The following NUP98 variants were observed in gnomAD, a reference collection of about 807,000 sequenced individuals.
NUP98 encodes nuclear pore complex protein Nup98-Nup96.
In NUP98, 26 loss-of-function variants were observed where a neutral mutation model predicts 191.9. The ratio of observed to expected loss-of-function variants is 0.14; its 90% CI spans 0.10 to 0.19. The LOEUF is 0.19. Ranked by LOEUF, NUP98 falls within the 10% of genes least tolerant of loss-of-function variation. The pLI, the probability that NUP98 is intolerant of heterozygous loss-of-function variation, is 1.00. For synonymous variants in NUP98, 808 were observed against 778.4 expected (o/e 1.04, Z -0.63); for missense variants, 1,941 against 2,178.8 (o/e 0.89, Z 2.17).
intron 20 of NUP98, 120 bp downstream of exon 20, chr11:3,712,444 C>A: frequency 6.7e-7 from 1 of 1,495,136 alleles, no homozygotes; most frequent in Non-Finnish European, 8.9e-7. Flanking sequence ...AACGTGATTG[C>A]CAATGTTTGT....
Position 3,694,056 on chromosome 11 carries a change from C to A in NUP98, c.4168-681G>T, listed in dbSNP as rs575607864. Among the ~76,000 whole-genome samples, 32 of 148,348 alleles carry A rather than the reference C, an allele frequency of 2.2e-4. 1 individual carries two copies. The East Asian group carries it at 5.7e-3, about 27-fold the overall frequency. On this transcript the variant is annotated intron_variant, in intron 26 of 32. Coordinates refer to ENST00000324932, the MANE Select transcript of NUP98 (RefSeq NM_016320.5). ...GACCAGCCTGGCCAACATGGTGAAACCCCGTTTCTATTAAAAATACAAAAA... is the reference window on the plus strand; with the variant it reads ...GACCAGCCTGGCCAACATGGTGAAAACCCGTTTCTATTAAAAATACAAAAA...
intron 16 of NUP98, among the ~76,000 whole-genome samples, chr11:3,721,684 G>C (rs908100803): frequency 1.3e-5 from 2 of 151,828 alleles, no homozygotes; most frequent in Admixed American, 6.6e-5. Flanking sequence ...GGGCAACCAA[G>C]AGTGAAACTC....
intron 14 of NUP98, among the ~76,000 whole-genome samples, chr11:3,729,559 A>AT (rs1564853042): frequency 6.7e-6 from 1 of 148,798 alleles, no homozygotes; most frequent in African/African-American, 2.5e-5. Context: ...AAAAAAAAAA[A>AT]AAAAAAAAAT....
At position 3,675,646 on chromosome 11, in the gene NUP98, C is replaced by T. The variant is rs1398999733; in HGVS notation, c.*513G>A. The T allele has an allele frequency of 4.2e-6, 1 of 239,490 alleles. No individual in the cohort carries two copies. Among genetic ancestry groups the T allele is most frequent in the African/African-American group, 2.2e-5 (1 of 45,228 alleles). 14.8% of individuals were successfully genotyped at this position (239,490 alleles called of 1,614,324 possible). On this transcript the variant is annotated 3_prime_UTR_variant, in exon 33 of 33. Transcript: ENST00000324932. ...ATTTTGTTTCCTAACTCAGGCCAAC[C>T]CTCCTTTGCCTCCAAAATTCAGTGT...
intron 12 of NUP98, among the ~76,000 whole-genome samples, chr11:3,735,848 T>C (rs535525034): frequency 1.7e-4 from 25 of 150,628 alleles, no homozygotes; most frequent in African/African-American, 5.4e-4. Context: ...TGTGTGTGTG[T>C]GCGTGCGTGT....
At chr11:3,757,096 A>T (rs2957872) in intron 10 of NUP98, among the ~76,000 whole-genome samples, 69,975 of 147,790 alleles carry the variant, frequency 0.47, 16,785 homozygotes, top group African/African-American at 0.57. Flanking sequence ...TCAAAAAAAA[A>T]ATATATATAT....
intron 1 of NUP98, among the ~76,000 whole-genome samples, chr11:3,795,260 C>T (rs61896924): frequency 2.0e-5 from 3 of 151,918 alleles, no homozygotes; most frequent in African/African-American, 7.3e-5. Context: ...GGCAACATAG[C>T]GAAACCCTGT....
intron 25 of NUP98, among the ~76,000 whole-genome samples, chr11:3,696,229 C>T (rs1470989955): frequency 2.0e-5 from 3 of 151,782 alleles, no homozygotes; most frequent in East Asian, 3.9e-4. Flanking sequence ...ACACTGGGCA[C>T]GGTGGCTCAC....
At chr11:3,741,171 C>T (rs1273637683) in intron 12 of NUP98, among the ~76,000 whole-genome samples, 1 of 151,670 alleles carries the variant, frequency 6.6e-6, no homozygotes, top group Non-Finnish European at 1.5e-5. Context: ...CACTAAAGTA[C>T]TATCAAAACA....
In NUP98 at chr11:3,676,089, A is replaced by T; in HGVS notation, c.*70T>A. 6.8e-7 allele frequency: 1 copy of T among 1,467,432 alleles called. No homozygotes were observed. The highest frequency in any genetic ancestry group is 1.4e-5 in the African/African-American group (1 of 71,984). The allele number at this position is 1,467,432 out of a possible 1,614,324, so 90.9% of individuals were successfully genotyped here. Reference sequence around the variant, plus strand: ...ACCCAGAGAATGGCAAACAGTGCCAATCCAAACAAGGCAGGGAACCTCTGT... The same window carrying T: ...ACCCAGAGAATGGCAAACAGTGCCATTCCAAACAAGGCAGGGAACCTCTGT... On this transcript the variant is annotated 3_prime_UTR_variant, in exon 33 of 33. Transcript: ENST00000324932.
chr11:3,766,325 A>T (rs928626968), intron 8 of NUP98, among the ~76,000 whole-genome samples: 1 of 152,080 alleles, frequency 6.6e-6, no homozygotes, highest in South Asian at 2.1e-4. Context: ...GTGAACTGAG[A>T]TCATGCCACT....
intron 7 of NUP98, among the ~76,000 whole-genome samples, chr11:3,770,428 T>C (rs972071869): frequency 2.0e-5 from 3 of 151,136 alleles, no homozygotes; most frequent in African/African-American, 7.3e-5. Flanking sequence ...TAGTGAGCCC[T>C]GATCACATCA....
intron 13 of NUP98, among the ~76,000 whole-genome samples, chr11:3,732,500 T>G (rs2079885235): frequency 6.6e-6 from 1 of 152,216 alleles, no homozygotes; most frequent in South Asian, 2.1e-4. Context: ...TGTCATGAAT[T>G]AATATTCAAC....
intron 28 of NUP98, among the ~76,000 whole-genome samples, chr11:3,689,841 T>C (rs1023000686): frequency 3.9e-5 from 6 of 152,064 alleles, no homozygotes; most frequent in Non-Finnish European, 8.8e-5. Context: ...TTTGCCATAT[T>C]GCCCAGGCTG....
chr11:3,747,047 G>A (rs2080532111), intron 11 of NUP98, among the ~76,000 whole-genome samples: 1 of 152,090 alleles, frequency 6.6e-6, no homozygotes, highest in African/African-American at 2.4e-5. Flanking sequence ...ATGCACAAAT[G>A]GCTTTTTATG....
rs756096402 is a variant in NUP98 at position 3,693,307 on chromosome 11, A to G, written c.4236T>C (p.Ala1412=). The change falls in exon 27 of 33, where the codon GCT becomes GCC. Residue 1412 remains alanine, a synonymous_variant. Transcript: ENST00000324932. ...CSQLDWKRSL[A]IHLWYLLPPT... is the part of the protein sequence containing the mutation. ...GTGGAAGCAAATACCAAAGATGGAT[A>G]GCCAGGGAGCGTTTCCAATCCAACT... 8 of 1,614,096 alleles carry G rather than the reference A, an allele frequency of 5.0e-6. No individual in the cohort carries two copies. The East Asian group carries it at 1.8e-4, about 36-fold the overall frequency.
chr11:3,682,254 T>C (rs1465916074), intron 30 of NUP98, among the ~76,000 whole-genome samples: 1 of 152,232 alleles, frequency 6.6e-6, no homozygotes, highest in East Asian at 1.9e-4. Flanking sequence ...TTCATATCAT[T>C]TATATGTTCA....
intron 20 of NUP98, chr11:3,711,799 A>T (rs2079029187): frequency 1.0e-6 from 1 of 978,260 alleles, no homozygotes; most frequent in Non-Finnish European, 1.2e-6. Flanking sequence ...CCTCCCCTGT[A>T]CGCGCAAACA....
chr11:3,752,451 A>G (rs939409769), intron 11 of NUP98, among the ~76,000 whole-genome samples: 2 of 152,040 alleles, frequency 1.3e-5, no homozygotes, highest in Non-Finnish European at 2.9e-5. Flanking sequence ...TGGGAGGCAG[A>G]GATTGCAGTG....
Sources: gnomAD v4.1 joint callset for allele counts (sites outside exome capture counted in the v4.1 genomes callset) on GRCh38, gnomAD v4.1.1 for gene constraint, MANE v1.5 for transcripts, NCBI Gene and HGNC (gene_info 2026-07-23, HGNC 2026-07-21) for gene names.